Variants in LRRC4C observed in about 807,000 individuals in gnomAD.
The protein encoded by LRRC4C is leucine rich repeat containing 4C.
In LRRC4C, 5 loss-of-function variants were observed where a neutral mutation model predicts 33.6. The ratio of observed to expected loss-of-function variants is 0.15; its 90% CI spans 0.08 to 0.31. The LOEUF (loss-of-function observed/expected upper bound fraction) is 0.31. LRRC4C is among the 10% of genes least tolerant of loss of function. The pLI is 1.00. For missense variants in LRRC4C, 560 were observed against 796.7 expected (o/e 0.70, Z 3.58); for synonymous variants, 329 against 302.0 (o/e 1.09, Z -0.93).
At chr11:40,709,838 CTTTGGTCGTTTCACATAGTCCCAT>C (rs1433612209) in intron 2 of LRRC4C, among the ~76,000 whole-genome samples, 1 of 152,166 alleles carries the variant, frequency 6.6e-6, no homozygotes, top group Non-Finnish European at 1.5e-5. Flanking sequence ...TCAAATGTAG[CTTTGGTCGTTTCACATAGTCCCAT>C]ATTTCTTGGA....
At chr11:40,544,632 A>C (rs1166672651) in intron 3 of LRRC4C, among the ~76,000 whole-genome samples, 1 of 152,130 alleles carries the variant, frequency 6.6e-6, no homozygotes, top group Admixed American at 6.6e-5. Flanking sequence ...AGGGATGTAG[A>C]TTCTTTTGGT....
intron 3 of LRRC4C, among the ~76,000 whole-genome samples, chr11:40,341,481 T>C (rs573488500): frequency 7.1e-6 from 1 of 139,962 alleles, no homozygotes; most frequent in East Asian, 2.1e-4. Flanking sequence ...TTCTCACTCA[T>C]AGGCGGGAAC....
chr11:40,189,000 T>C (rs1192609663), intron 5 of LRRC4C, among the ~76,000 whole-genome samples: 1 of 152,204 alleles, frequency 6.6e-6, no homozygotes, highest in African/African-American at 2.4e-5. Flanking sequence ...AAATTTATTA[T>C]GTAATGGGCA....
chr11:41,327,435 T>C (rs750771260), intron 1 of LRRC4C, among the ~76,000 whole-genome samples: 7 of 152,170 alleles, frequency 4.6e-5, no homozygotes, highest in Non-Finnish European at 7.3e-5. Flanking sequence ...TTACCATTTG[T>C]TTTTCTTTTC....
intron 3 of LRRC4C, among the ~76,000 whole-genome samples, chr11:40,549,316 T>C (rs757898582): frequency 6.6e-6 from 1 of 152,176 alleles, no homozygotes; most frequent in Non-Finnish European, 1.5e-5. Flanking sequence ...TCAACTGCAA[T>C]GTCATCTTGA....
intron 1 of LRRC4C, among the ~76,000 whole-genome samples, chr11:41,101,074 C>A (rs1172400038): frequency 6.6e-6 from 1 of 152,170 alleles, no homozygotes; most frequent in Admixed American, 6.5e-5. Flanking sequence ...TGGGCAACAT[C>A]ATTCTAGACA....
intron 5 of LRRC4C, among the ~76,000 whole-genome samples, chr11:40,186,733 G>A (rs1302829887): frequency 1.3e-5 from 2 of 152,212 alleles, no homozygotes; most frequent in South Asian, 2.1e-4. Context: ...CACAATAAAA[G>A]CACATCACTG....
chr11:40,453,661 T>C lies in LRRC4C; in HGVS notation c.-269-133940A>G, dbSNP rs1286677634. 2.0e-5 allele frequency among the ~76,000 whole-genome samples: 3 copies of C among 148,850 alleles called. No homozygotes were observed. The East Asian group carries it at 5.9e-4, about 29-fold the overall frequency. On this transcript the variant is annotated intron_variant, in intron 3 of 6. Transcript: ENST00000528697. ...GACCAATATCCCTTATCAGTAAAGA[T>C]ATAAAAATTATCAGCAAAATACTAG...
chr11:40,861,988 A>T (rs990484215), intron 2 of LRRC4C, among the ~76,000 whole-genome samples: 4 of 152,146 alleles, frequency 2.6e-5, no homozygotes, highest in Non-Finnish European at 5.9e-5. Context: ...CCTATGGGGG[A>T]TCACATTTCA....
At chr11:41,081,576 T>A (rs557393243) in intron 1 of LRRC4C, among the ~76,000 whole-genome samples, 3 of 152,300 alleles carry the variant, frequency 2.0e-5, no homozygotes, top group Non-Finnish European at 4.4e-5. Context: ...CGGTTTAGCT[T>A]ATTATCCACC....
At chr11:40,323,548 G>A (rs1369438977) in intron 3 of LRRC4C, among the ~76,000 whole-genome samples, 1 of 152,122 alleles carries the variant, frequency 6.6e-6, no homozygotes. Context: ...CATCACCAGG[G>A]AATAATGTTG....
chr11:40,262,270 C>T (rs1385342080), intron 4 of LRRC4C, among the ~76,000 whole-genome samples: 4 of 152,014 alleles, frequency 2.6e-5, no homozygotes, highest in Non-Finnish European at 4.4e-5. Flanking sequence ...CAAATCAAAA[C>T]AAGATTATTA....
chr11:41,142,386 A>C (rs1165270198), intron 1 of LRRC4C, among the ~76,000 whole-genome samples: 1 of 152,186 alleles, frequency 6.6e-6, no homozygotes, highest in Non-Finnish European at 1.5e-5. Flanking sequence ...ACTAACTCTC[A>C]GAAATTTTGA....
chr11:40,339,223 T>C (rs1465847070), intron 3 of LRRC4C, among the ~76,000 whole-genome samples: 1 of 152,170 alleles, frequency 6.6e-6, no homozygotes, highest in East Asian at 1.9e-4. Context: ...GGAAACAAGG[T>C]TGTAGTCAGG....
At chr11:40,549,981 C>T (rs1290005225) in intron 3 of LRRC4C, among the ~76,000 whole-genome samples, 1 of 151,932 alleles carries the variant, frequency 6.6e-6, no homozygotes, top group Non-Finnish European at 1.5e-5. Flanking sequence ...AACAGAGATG[C>T]TATTTTATAA....
chr11:40,317,569 T>A (rs1388168697), intron 4 of LRRC4C, among the ~76,000 whole-genome samples: 1 of 152,096 alleles, frequency 6.6e-6, no homozygotes, highest in Non-Finnish European at 1.5e-5. Context: ...TGATCATATT[T>A]CCTGAAACCC....
At chr11:40,619,801 CTT>C (rs1384011849) in intron 3 of LRRC4C, among the ~76,000 whole-genome samples, 1 of 151,258 alleles carries the variant, frequency 6.6e-6, no homozygotes, top group Non-Finnish European at 1.5e-5. Context: ...TTCAGTAACT[CTT>C]TATTTAACTT....
At chr11:41,241,401 G>T (rs1419747270) in intron 1 of LRRC4C, among the ~76,000 whole-genome samples, 1 of 152,076 alleles carries the variant, frequency 6.6e-6, no homozygotes, top group African/African-American at 2.4e-5. Flanking sequence ...TGTGGGAAAT[G>T]TTGGTAAAGA....
intron 5 of LRRC4C, among the ~76,000 whole-genome samples, chr11:40,161,744 G>T (rs570388016): frequency 1.3e-5 from 2 of 152,088 alleles, no homozygotes; most frequent in African/African-American, 4.8e-5. Flanking sequence ...GCAACAGAGC[G>T]AGACTCCTTC....
Sources: allele counts gnomAD v4.1 joint callset (sites outside exome capture counted in the v4.1 genomes callset), GRCh38; gene constraint gnomAD v4.1.1; transcripts MANE v1.5; gene names NCBI Gene and HGNC (gene_info 2026-07-23, HGNC 2026-07-21).